The following MARCO variants were observed in gnomAD, a reference collection of about 807,000 sequenced individuals.
MARCO encodes macrophage receptor with collagenous structure.
A neutral mutation model predicts 70.0 loss-of-function variants in MARCO; 72 were observed. The observed-to-expected ratio is 1.03, with a 90% confidence interval of 0.85 to 1.25. The LOEUF (loss-of-function observed/expected upper bound fraction) is 1.25. Among genes scored for constraint, MARCO ranks in the 50% most tolerant of loss-of-function variants. The pLI is 0.00. For missense variants in MARCO, 696 were observed against 659.3 expected, an observed-to-expected ratio of 1.06 and a Z score of -0.61; for synonymous variants, 273 against 243.1, an observed-to-expected ratio of 1.12 and a Z score of -1.14.
intron 16 of MARCO, among the ~76,000 whole-genome samples, chr2:118,993,976 C>T (rs1201114976): frequency 1.3e-5 from 2 of 152,234 alleles, no homozygotes; most frequent in African/African-American, 2.4e-5. Context: ...CCTGTCCTTA[C>T]CCAAACCAAA....
In MARCO at chr2:118,981,500, C is replaced by T; in HGVS notation, c.858C>T (p.Gly286=). The T allele has an allele frequency of 6.2e-7, 1 of 1,600,956 alleles. No homozygotes were observed. The highest frequency in any genetic ancestry group is 8.5e-7 in the Non-Finnish European group (1 of 1,176,682). The stretch of plus-strand genomic sequence containing the variant: ...GTAAAGGTGACTTCGGGAGGCCAGG[C>T]CCACCAGGTAAGAGGGCACGTGGTC... ...QGSKGDFGRP[G]PPGLAGFPGA... is the part of the protein sequence containing the mutation. Residue 286 remains glycine (G), a synonymous_variant, in exon 9 of 17, where the codon GGC becomes GGT. Coordinates refer to ENST00000327097, the MANE Select transcript of MARCO (RefSeq NM_006770.4).
chr2:118,978,425 G>A (rs1181934446), intron 8 of MARCO, among the ~76,000 whole-genome samples: 1 of 152,206 alleles, frequency 6.6e-6, no homozygotes, highest in Non-Finnish European at 1.5e-5. Flanking sequence ...TGTTTCAAAT[G>A]CCCTGGATGG....
At position 118,981,514 on chromosome 2, in the gene MARCO, G is replaced by T. The variant is rs766568179; in HGVS notation, c.865+7G>T. 6.2e-7 allele frequency: 1 copy of T among 1,603,908 alleles called. No homozygotes were observed. Among genetic ancestry groups the T allele is most frequent in the Non-Finnish European group, 8.5e-7 (1 of 1,176,642 alleles). On this transcript the variant is annotated splice_region_variant and intron_variant, in intron 9 of 16. Coordinates refer to ENST00000327097, the MANE Select transcript of MARCO (RefSeq NM_006770.4). ...GGGAGGCCAGGCCCACCAGGTAAGA[G>T]GGCACGTGGTCACATCCACTGACCT...
At chr2:118,952,102 C>T (rs1303805828) in intron 1 of MARCO, among the ~76,000 whole-genome samples, 1 of 151,900 alleles carries the variant, frequency 6.6e-6, no homozygotes, top group Non-Finnish European at 1.5e-5. Flanking sequence ...CCCTTTCTTA[C>T]CTCTTTCAGG....
intron 1 of MARCO, among the ~76,000 whole-genome samples, chr2:118,944,491 G>A (rs1249342546): frequency 6.6e-6 from 1 of 151,938 alleles, no homozygotes; most frequent in Admixed American, 6.6e-5. Context: ...GCCATATATA[G>A]TTTTATTTTC....
At chr2:118,980,716 CAG>C (rs1225274029) in intron 8 of MARCO, among the ~76,000 whole-genome samples, 2 of 152,124 alleles carry the variant, frequency 1.3e-5, no homozygotes, top group East Asian at 1.9e-4. Context: ...GGGACCTTGG[CAG>C]CCTACCAGTA....
At chr2:118,972,336 G>A (rs1214834594) in intron 4 of MARCO, among the ~76,000 whole-genome samples, 2 of 152,088 alleles carry the variant, frequency 1.3e-5, no homozygotes, top group East Asian at 3.9e-4. Flanking sequence ...TGCCATTTTT[G>A]GGACAGAATC....
intron 1 of MARCO, among the ~76,000 whole-genome samples, chr2:118,950,326 G>A (rs1246535246): frequency 6.6e-6 from 1 of 152,144 alleles, no homozygotes; most frequent in Non-Finnish European, 1.5e-5. Flanking sequence ...AGAAAAACCT[G>A]TTGTTCTTTT....
At position 118,986,725 on chromosome 2, in the gene MARCO, A is replaced by G. The variant is rs866021876; in HGVS notation, c.1064-3864A>G. Among the ~76,000 whole-genome samples, 408 of 124,312 alleles carry G rather than the reference A, an allele frequency of 3.3e-3. 71 individuals are homozygous for G. The highest frequency in any genetic ancestry group is 0.014 in the African/African-American group (354 of 25,456). The allele number at this position is 124,312 out of a possible 152,430, so 81.6% of individuals were successfully genotyped here. A position where few individuals can be genotyped will look rare whatever the true frequency, so the allele number is the denominator to read the frequency against. Reference sequence around the variant, plus strand: ...AGAAAGAAAGAAAGAAAGAAAGAAAAGAAAGAAAGAAAGAGAAAGAAAGAG... The same window carrying G: ...AGAAAGAAAGAAAGAAAGAAAGAAAGGAAAGAAAGAAAGAGAAAGAAAGAG... On this transcript the variant is annotated intron_variant, in intron 12 of 16. Transcript: ENST00000327097.
At chr2:118,975,353 G>A (rs913093545) in intron 6 of MARCO, among the ~76,000 whole-genome samples, 1 of 152,250 alleles carries the variant, frequency 6.6e-6, no homozygotes, top group Non-Finnish European at 1.5e-5. Flanking sequence ...GGGCAGATGA[G>A]AGGATTTACA....
At chr2:118,968,485 T>TA (rs938590477) in intron 1 of MARCO, among the ~76,000 whole-genome samples, 1 of 152,208 alleles carries the variant, frequency 6.6e-6, no homozygotes, top group African/African-American at 2.4e-5. Context: ...TCTCAGACTA[T>TA]ATGGGTTTGT....
At chr2:118,993,063 G>T (rs186384499) in intron 15 of MARCO, 61 bp from the exon 16 acceptor site, 5 of 1,431,120 alleles carry the variant, frequency 3.5e-6, no homozygotes, top group East Asian at 2.3e-5. Context: ...GAAAGAGCCC[G>T]CACTTACCCA....
chr2:118,945,959 A>G (rs1679589976), intron 1 of MARCO, among the ~76,000 whole-genome samples: 1 of 152,226 alleles, frequency 6.6e-6, no homozygotes, highest in South Asian at 2.1e-4. Context: ...AAGTCCGTTC[A>G]GGCTCAGTCT....
At chr2:118,979,058 A>G (rs1305037351) in intron 8 of MARCO, among the ~76,000 whole-genome samples, 1 of 152,200 alleles carries the variant, frequency 6.6e-6, no homozygotes, top group Non-Finnish European at 1.5e-5. Context: ...TTACTGCAGG[A>G]ATATAAGACA....
At chr2:118,967,285 G>T (rs546758669) in intron 1 of MARCO, among the ~76,000 whole-genome samples, 8 of 152,332 alleles carry the variant, frequency 5.3e-5, no homozygotes, top group Non-Finnish European at 1.2e-4. Flanking sequence ...AAGGGAAGGA[G>T]GAGAGCCAGT....
chr2:118,986,728 A>AAAG (rs1680522480), intron 12 of MARCO, among the ~76,000 whole-genome samples: 1 of 100,218 alleles, frequency 1.0e-5, no homozygotes, highest in Non-Finnish European at 2.0e-5. Context: ...AAAGAAAAGA[A>AAAG]AGAAAGAAAG....
Position 118,977,933 on chromosome 2 carries a change from C to T in MARCO, c.764C>T (p.Pro255Leu). Residue 255 changes from proline to leucine, a missense_variant and splice_region_variant, in exon 8 of 17, where the codon CCA (proline) becomes CTA (leucine). This residue lies in a region of MARCO where 605 missense variants were observed against 537.6 expected (regional missense o/e 1.13). Coordinates refer to ENST00000327097, the MANE Select transcript of MARCO (RefSeq NM_006770.4). ...GGAGAGAAAGGAGACCTGGGTCTCC[C>T]AGGTGAGGGCCGTATTGGGGGTGTC... The part of the protein sequence containing the change: ...TKGEKGDLGL[P>L]GSKGDRGMKG... The T allele has an allele frequency of 6.3e-7, 1 of 1,594,918 alleles. No homozygotes were observed. The highest frequency in any genetic ancestry group is 8.6e-7 in the Non-Finnish European group (1 of 1,168,374).
chr2:118,980,840 C>T (rs1327344319), intron 8 of MARCO, among the ~76,000 whole-genome samples: 1 of 152,134 alleles, frequency 6.6e-6, no homozygotes, highest in Non-Finnish European at 1.5e-5. Context: ...CACCAGGCAC[C>T]AGCAAGAGAG....
intron 4 of MARCO, 93 bp from the exon 5 acceptor site, chr2:118,974,240 G>A (rs537769644): frequency 2.8e-5 from 22 of 788,748 alleles, no homozygotes; most frequent in East Asian, 2.1e-4. Context: ...CTCAGTGAAC[G>A]TTTGTTGAAT....
Sources: gnomAD v4.1 joint callset for allele counts (sites outside exome capture counted in the v4.1 genomes callset) on GRCh38, gnomAD v4.1.1 for gene constraint, gnomAD v4.1.1 regional missense constraint, MANE v1.5 for transcripts, NCBI Gene and HGNC (gene_info 2026-07-23, HGNC 2026-07-21) for gene names.